Variants in SH3RF2 observed in about 807,000 individuals in gnomAD.
The protein encoded by SH3RF2 is SH3 domain containing ring finger 2, also known as E3 ubiquitin-protein ligase SH3RF2.
SH3RF2 carries 43 observed loss-of-function variants against 59.0 expected under a neutral mutation model. The observed-to-expected ratio is 0.73, with a 90% CI of 0.57 to 0.94. The LOEUF is 0.94. Among genes scored for constraint, SH3RF2 ranks in the 40% least tolerant of loss-of-function variants. The pLI is 0.00. For missense variants in SH3RF2, 930 were observed against 940.1 expected, an observed-to-expected ratio of 0.99 and a Z score of 0.14; for synonymous variants, 391 against 391.5, an observed-to-expected ratio of 1.00 and a Z score of 0.01.
At chr5:146,047,448 G>A (rs113621707) in intron 5 of SH3RF2, among the ~76,000 whole-genome samples, 1,646 of 152,184 alleles carry the variant, frequency 0.011, 19 homozygotes, top group Middle Eastern at 0.034. Flanking sequence ...GAGGGAGATG[G>A]GTGGGGTGGG....
chr5:146,001,524 G>T (rs1412314268), intron 3 of SH3RF2, among the ~76,000 whole-genome samples: 1 of 152,182 alleles, frequency 6.6e-6, no homozygotes, highest in Non-Finnish European at 1.5e-5. Context: ...ACAGCAAAGT[G>T]TAGACCTAGA....
Position 146,047,631 on chromosome 5 carries a change from A to C in SH3RF2, c.1060-141A>C, listed in dbSNP as rs527932042. ...CTGTGCCCACAGCCACAAACCACAG[A>C]GAGGACGCACAATGGGTGGCACCAG... On this transcript the variant is annotated intron_variant, in intron 5 of 9. Coordinates refer to ENST00000359120, the MANE Select transcript of SH3RF2 (RefSeq NM_152550.4). The C allele has an allele frequency of 2.4e-4, 173 of 724,322 alleles. No individual in the cohort carries two copies. The African/African-American group carries it at 2.9e-3, about 12-fold the overall frequency. The allele number at this position is 724,322 out of a possible 1,614,324, so 44.9% of individuals were successfully genotyped here.
chr5:146,056,027 A>G lies in SH3RF2; in HGVS notation c.1369A>G (p.Thr457Ala). Residue 457 changes from threonine to alanine, a missense_variant, in exon 8 of 10, where the codon ACA (threonine) becomes GCA (alanine). Coordinates refer to ENST00000359120, the MANE Select transcript of SH3RF2 (RefSeq NM_152550.4). ...CTCCCGGAGCCCTGGTCTCTACACC[A>G]CATGGACGTTATCCACCTCCTCTGT... ...PDSRSPGLYT[T>A]WTLSTSSVSS... 6.2e-7 allele frequency: 1 copy of G among 1,614,254 alleles called. No individual in the cohort carries two copies. Among genetic ancestry groups the G allele is most frequent in the Non-Finnish European group, 8.5e-7 (1 of 1,180,048 alleles).
downstream of SH3RF2, among the ~76,000 whole-genome samples, chr5:146,065,203 A>G (rs1763075182): frequency 6.6e-6 from 1 of 152,210 alleles, no homozygotes; most frequent in South Asian, 2.1e-4. Flanking sequence ...CCAAACAAAC[A>G]TGAGATATTG....
intron 2 of SH3RF2, among the ~76,000 whole-genome samples, chr5:145,941,037 T>G (rs1485065307): frequency 6.6e-5 from 10 of 152,180 alleles, no homozygotes; most frequent in Admixed American, 6.5e-4. Flanking sequence ...AGGATAATAC[T>G]AAGTATAAAG....
chr5:146,064,582 A>AGG (rs201576839), downstream of SH3RF2, among the ~76,000 whole-genome samples: 2 of 9,022 alleles, frequency 2.2e-4, 1 homozygote, highest in African/African-American at 4.0e-4. Flanking sequence ...GAAGGAAGGA[A>AGG]GGGGGAGAGA....
At chr5:145,970,267 C>T (rs1323907761) in intron 2 of SH3RF2, among the ~76,000 whole-genome samples, 2 of 152,008 alleles carry the variant, frequency 1.3e-5, no homozygotes, top group African/African-American at 4.8e-5. Context: ...TATCCTTCAC[C>T]TCCCCCTGCC....
chr5:146,038,373 A>G (rs1008478993), intron 5 of SH3RF2, among the ~76,000 whole-genome samples: 2 of 152,224 alleles, frequency 1.3e-5, no homozygotes, highest in African/African-American at 2.4e-5. Context: ...AGTCTTTGAA[A>G]GGAAGAAATA....
downstream of SH3RF2, among the ~76,000 whole-genome samples, chr5:146,064,864 G>GAAAGAAAGAAAGAAAGAAAAAGAAAGAA (rs59357428): frequency 1.4e-5 from 1 of 69,092 alleles, no homozygotes; most frequent in African/African-American, 5.7e-5. Context: ...AAGAAAGAAA[G>GAAAGAAAGAAAGAAAGAAAAAGAAAGAA]AGAAAGAAAA....
At chr5:146,021,054 C>T (rs565699601) in intron 5 of SH3RF2, among the ~76,000 whole-genome samples, 32 of 152,262 alleles carry the variant, frequency 2.1e-4, no homozygotes, top group African/African-American at 7.5e-4. Flanking sequence ...AGATCTTCTC[C>T]CAGGGTGCTC....
Position 146,059,941 on chromosome 5 carries a change from T to C in SH3RF2, c.1631T>C (p.Met544Thr). Residue 544 changes from methionine to threonine, a missense_variant, in exon 9 of 10, where the codon ATG becomes ACG. Met to Thr is a moderately conservative substitution (Grantham distance 81). Coordinates refer to ENST00000359120, the MANE Select transcript of SH3RF2 (RefSeq NM_152550.4). ...GGCTCCCTCAGACGCAGCCCCACCA[T>C]GGTCCTTCGGCCTCAGCAGTTCCAA... ...VVGSLRRSPT[M>T]VLRPQQFQFY... 1 of 1,529,676 alleles carries C rather than the reference T, an allele frequency of 6.5e-7. No individual in the cohort carries two copies. Among genetic ancestry groups the C allele is most frequent in the South Asian group, 1.3e-5 (1 of 76,222 alleles). 94.8% of individuals were successfully genotyped at this position (1,529,676 alleles called of 1,614,324 possible). A position where few individuals can be genotyped will look rare whatever the true frequency, so the allele number is the denominator to read the frequency against.
intron 4 of SH3RF2, among the ~76,000 whole-genome samples, chr5:146,009,394 G>A (rs1256501412): frequency 6.6e-6 from 1 of 151,908 alleles, no homozygotes; most frequent in African/African-American, 2.4e-5. Flanking sequence ...CCTTCTCTCT[G>A]TTTCTTTCTT....
chr5:146,014,383 A>G (rs1761029577), intron 5 of SH3RF2, among the ~76,000 whole-genome samples: 1 of 152,150 alleles, frequency 6.6e-6, no homozygotes, highest in Non-Finnish European at 1.5e-5. Context: ...TGTCCCTTAG[A>G]GAACTTCCCT....
chr5:146,013,342 A>G (rs1289485294), intron 4 of SH3RF2, among the ~76,000 whole-genome samples: 1 of 152,154 alleles, frequency 6.6e-6, no homozygotes, highest in African/African-American at 2.4e-5. Flanking sequence ...TGGGAGCACC[A>G]GGAAGGACAA....
intron 2 of SH3RF2, among the ~76,000 whole-genome samples, chr5:145,938,885 G>A (rs974869010): frequency 2.0e-5 from 3 of 152,262 alleles, no homozygotes; most frequent in Non-Finnish European, 4.4e-5. Flanking sequence ...TGATAGCAAA[G>A]GCTGGGCTGT....
intron 2 of SH3RF2, among the ~76,000 whole-genome samples, chr5:145,964,270 C>A (rs1758767036): frequency 8.6e-6 from 1 of 115,660 alleles, no homozygotes; most frequent in South Asian, 3.0e-4. Flanking sequence ...TCTTTCCCTT[C>A]TTTTCCTTCC....
chr5:145,953,488 A>T (rs1758270410), intron 2 of SH3RF2, among the ~76,000 whole-genome samples: 1 of 152,150 alleles, frequency 6.6e-6, no homozygotes, highest in South Asian at 2.1e-4. Context: ...GGGACAAAGA[A>T]ACCATGGTAA....
At chr5:146,072,509 A>G (rs1763259939) in intron 9 of SH3RF2, among the ~76,000 whole-genome samples, 1 of 152,168 alleles carries the variant, frequency 6.6e-6, no homozygotes, top group Non-Finnish European at 1.5e-5. Flanking sequence ...CGTCTCTATT[A>G]AAAATACAAA....
At chr5:146,003,862 C>T (rs1200774863) in intron 3 of SH3RF2, among the ~76,000 whole-genome samples, 196 bp from the exon 4 acceptor site, 4 of 152,132 alleles carry the variant, frequency 2.6e-5, no homozygotes, top group Admixed American at 2.0e-4. Context: ...TATGTCTACC[C>T]CTCTATGGTC....
Sources: gnomAD v4.1 joint callset for allele counts (sites outside exome capture counted in the v4.1 genomes callset) on GRCh38, gnomAD v4.1.1 for gene constraint, MANE v1.5 for transcripts, NCBI Gene and HGNC (gene_info 2026-07-23, HGNC 2026-07-21) for gene names.